The following ZC3H8 variants were observed in gnomAD, a reference collection of about 807,000 sequenced individuals.
The protein encoded by ZC3H8 is zinc finger CCCH domain-containing protein 8.
A neutral mutation model predicts 42.5 loss-of-function variants in ZC3H8; 27 were observed. That is an observed-to-expected ratio of 0.64 (90% confidence interval 0.47 to 0.88). ZC3H8 has a LOEUF of 0.88. ZC3H8 is among the 40% of genes least tolerant of loss of function. The pLI is 0.00. For synonymous variants in ZC3H8, 101 were observed against 110.1 expected (o/e 0.92, Z 0.52); for missense variants, 277 against 336.1 (o/e 0.82, Z 1.37).
chr2:112,248,483 G>A (rs1208926676), intron 2 of ZC3H8, among the ~76,000 whole-genome samples: 2 of 152,124 alleles, frequency 1.3e-5, no homozygotes, highest in Non-Finnish European at 2.9e-5. Context: ...TTCTTCTATA[G>A]TGTGTTAAAA....
chr2:112,234,833 T>C (rs1404601117), intron 4 of ZC3H8, among the ~76,000 whole-genome samples: 1 of 151,602 alleles, frequency 6.6e-6, no homozygotes, highest in Admixed American at 6.6e-5. Context: ...ATGAAAGTGA[T>C]AGTATTTATG....
At chr2:112,234,486 T>C (rs1685229490) in intron 4 of ZC3H8, among the ~76,000 whole-genome samples, 2 of 152,288 alleles carry the variant, frequency 1.3e-5, no homozygotes, top group South Asian at 4.1e-4. Flanking sequence ...TGCCTTTATT[T>C]TGTAAAAATG....
At chr2:112,242,683 G>T (rs1685625883) in intron 2 of ZC3H8, among the ~76,000 whole-genome samples, 1 of 152,122 alleles carries the variant, frequency 6.6e-6, no homozygotes, top group African/African-American at 2.4e-5. Context: ...AGTGCTAAAA[G>T]AAAACAATGT....
chr2:112,238,805 T>C (rs183055207), intron 2 of ZC3H8, among the ~76,000 whole-genome samples: 120 of 152,384 alleles, frequency 7.9e-4, no homozygotes, highest in Non-Finnish European at 1.5e-3. Context: ...GTACATTGTG[T>C]GCCTTTGACT....
chr2:112,212,289 AG>A lies in ZC3H8; in HGVS notation c.*4194del, dbSNP rs1684165507. Reference sequence around the variant, plus strand: ...TCTCCCAAAGGCCCTACCTCCTAACAGTTAGTCCTAGGAGTCAGGATTTCAA... The same window carrying A: ...TCTCCCAAAGGCCCTACCTCCTAACATTAGTCCTAGGAGTCAGGATTTCAA... On this transcript the variant is annotated 3_prime_UTR_variant, in exon 9 of 9. Coordinates refer to ENST00000409573, the MANE Select transcript of ZC3H8 (RefSeq NM_032494.3). The A allele has an allele frequency of 6.6e-6, 1 of 152,252 alleles. No individual in the cohort carries two copies. Among genetic ancestry groups the A allele is most frequent in the Admixed American group, 6.5e-5 (1 of 15,292 alleles). The allele number at this position is 152,252 out of a possible 1,614,324, so 9.4% of individuals were successfully genotyped here.
At position 112,247,238 on chromosome 2, in the gene ZC3H8, G is replaced by A. The variant is rs78588987; in HGVS notation, c.156+2953C>T. The stretch of plus-strand genomic sequence containing the variant: ...TCAAACCCTCAAAATCTGAGGTAAT[G>A]CTCTTTCTTAACTTGCAAAGTGTTT... On this transcript the variant is annotated intron_variant, in intron 2 of 8. Coordinates refer to ENST00000409573, the MANE Select transcript of ZC3H8 (RefSeq NM_032494.3). Among the ~76,000 whole-genome samples the A allele has an allele frequency of 2.8e-3, 426 of 152,264 alleles. 11 individuals are homozygous for A. The East Asian group carries it at 0.06, about 22-fold the overall frequency.
At chr2:112,241,781 T>G (rs957852234) in intron 2 of ZC3H8, among the ~76,000 whole-genome samples, 3 of 152,226 alleles carry the variant, frequency 2.0e-5, no homozygotes, top group African/African-American at 7.2e-5. Context: ...GGTCTTAATA[T>G]TCAGTGTATT....
chr2:112,225,350 C>T (rs1477651489), intron 8 of ZC3H8, among the ~76,000 whole-genome samples: 4 of 152,206 alleles, frequency 2.6e-5, no homozygotes, highest in African/African-American at 9.7e-5. Context: ...TGGTAGCACA[C>T]ACCTGCAGTC....
intron 2 of ZC3H8, among the ~76,000 whole-genome samples, chr2:112,241,756 C>G (rs755945242): frequency 1.2e-4 from 18 of 152,174 alleles, no homozygotes; most frequent in Non-Finnish European, 2.2e-4. Flanking sequence ...TAGAATCAGA[C>G]TAACTGCTCT....
At chr2:112,226,073 C>T (rs1684812712) in intron 8 of ZC3H8, among the ~76,000 whole-genome samples, 2 of 151,020 alleles carry the variant, frequency 1.3e-5, no homozygotes, top group African/African-American at 2.4e-5. Context: ...CAGAGCAAGA[C>T]TTCATCTCAA....
At chr2:112,239,414 A>C (rs926576659) in intron 2 of ZC3H8, among the ~76,000 whole-genome samples, 1 of 152,208 alleles carries the variant, frequency 6.6e-6, no homozygotes, top group Non-Finnish European at 1.5e-5. Context: ...TGGCATGCCT[A>C]TCATTACAGT....
In ZC3H8 at chr2:112,215,099, C is replaced by T. The variant is rs1352856043; in HGVS notation, c.*1385G>A. 1 of 151,902 alleles carries T rather than the reference C, an allele frequency of 6.6e-6. No individual in the cohort carries two copies. The highest frequency in any genetic ancestry group is 2.4e-5 in the African/African-American group (1 of 41,344). 9.4% of individuals were successfully genotyped at this position (151,902 alleles called of 1,614,324 possible). On this transcript the variant is annotated 3_prime_UTR_variant, in exon 9 of 9. Transcript: ENST00000409573. ...ACTTTATAAGTATCAAACTATTATA[C>T]ATGAGGTAATATTAGGAAGTAAACT...
At chr2:112,243,292 T>C (rs968812728) in intron 2 of ZC3H8, among the ~76,000 whole-genome samples, 2 of 152,202 alleles carry the variant, frequency 1.3e-5, no homozygotes, top group East Asian at 3.8e-4. Context: ...CGCCTAACCT[T>C]TGATTGGCAG....
rs35500593 is a variant in ZC3H8 at position 112,212,965 on chromosome 2, C to CTTTTTTTT, written c.*3511_*3518dup. The CTTTTTTTT allele has an allele frequency of 1.1e-3, 94 of 84,882 alleles. 1 individual carries two copies. The highest frequency in any genetic ancestry group is 3.2e-3 in the African/African-American group (67 of 21,226). 5.3% of individuals were successfully genotyped at this position (84,882 alleles called of 1,614,324 possible). A position where few individuals can be genotyped will look rare whatever the true frequency, so the allele number is the denominator to read the frequency against. On this transcript the variant is annotated 3_prime_UTR_variant, in exon 9 of 9. Coordinates refer to ENST00000409573, the MANE Select transcript of ZC3H8 (RefSeq NM_032494.3). ...CAGCAAGCACAACTCAGAAGAAATG[C>CTTTTTTTT]TTTTTTTTTTTTTTTTTTTTTTTAT...
At chr2:112,216,789 T>A (rs773403173) in intron 8 of ZC3H8, among the ~76,000 whole-genome samples, 4 of 148,066 alleles carry the variant, frequency 2.7e-5, no homozygotes, top group Non-Finnish European at 4.5e-5. Flanking sequence ...CAAGAAAGAA[T>A]AAATTTGAAT....
At chr2:112,219,366 A>G (rs2104640950) in intron 8 of ZC3H8, among the ~76,000 whole-genome samples, 1 of 152,332 alleles carries the variant, frequency 6.6e-6, no homozygotes, top group South Asian at 2.1e-4. Flanking sequence ...TGCTAGGAAA[A>G]CTGGATCTCC....
intron 1 of ZC3H8, among the ~76,000 whole-genome samples, chr2:112,254,517 T>G (rs1300558011): frequency 1.3e-5 from 2 of 152,206 alleles, no homozygotes; most frequent in Non-Finnish European, 2.9e-5. Context: ...CACATCAGTG[T>G]CCTCTGGGAG....
intron 1 of ZC3H8, among the ~76,000 whole-genome samples, chr2:112,253,020 G>A (rs1044775012): frequency 1.6e-4 from 25 of 152,038 alleles, no homozygotes; most frequent in Non-Finnish European, 4.4e-5. Flanking sequence ...TGTAGTCCCA[G>A]CTACTCGGGA....
chr2:112,239,687 C>T (rs184408749), intron 2 of ZC3H8, among the ~76,000 whole-genome samples: 4 of 148,320 alleles, frequency 2.7e-5, no homozygotes, highest in African/African-American at 1.0e-4. Context: ...CAGGCTCAAG[C>T]GATTCCCTTG....
Sources: gnomAD v4.1 joint callset for allele counts (sites outside exome capture counted in the v4.1 genomes callset) on GRCh38, gnomAD v4.1.1 for gene constraint, MANE v1.5 for transcripts, NCBI Gene and HGNC (gene_info 2026-07-23, HGNC 2026-07-21) for gene names.